NAALADL2: variants seen among roughly 807,000 people sequenced by gnomAD.
NAALADL2 encodes inactive N-acetylated-alpha-linked acidic dipeptidase-like protein 2.
In NAALADL2, 76 loss-of-function variants were observed where a neutral mutation model predicts 87.2. The observed-to-expected ratio is 0.87, with a 90% CI of 0.72 to 1.05. The LOEUF (loss-of-function observed/expected upper bound fraction) is 1.05, where lower values mean the gene tolerates loss of function less well. Ranked by LOEUF, NAALADL2 falls within the 50% of genes least tolerant of loss-of-function variation. NAALADL2 has a pLI of 0.00. For missense variants in NAALADL2, 1,089 were observed against 945.8 expected (o/e 1.15, Z -1.99); for synonymous variants, 354 against 331.0 (o/e 1.07, Z -0.75).
At chr3:175,151,626 C>A (rs575611265) in intron 2 of NAALADL2, among the ~76,000 whole-genome samples, 1 of 150,222 alleles carries the variant, frequency 6.7e-6, no homozygotes, top group Admixed American at 6.6e-5. Flanking sequence ...CAAAATGAAA[C>A]AAACAAACAA....
At chr3:175,282,040 C>A (rs1581246156) in intron 4 of NAALADL2, among the ~76,000 whole-genome samples, 1 of 151,812 alleles carries the variant, frequency 6.6e-6, no homozygotes, top group East Asian at 1.9e-4. Flanking sequence ...TTATACTTCA[C>A]CAAAATTAAG....
intron 13 of NAALADL2, among the ~76,000 whole-genome samples, chr3:175,766,627 C>G (rs1421306467): frequency 6.6e-6 from 1 of 152,086 alleles, no homozygotes; most frequent in Non-Finnish European, 1.5e-5. Context: ...TTGTTTCTCT[C>G]TCCTTTATTT....
At chr3:174,569,051 T>A (rs1323192264) in intron 2 of NAALADL2, among the ~76,000 whole-genome samples, 1 of 151,658 alleles carries the variant, frequency 6.6e-6, no homozygotes, top group Non-Finnish European at 1.5e-5. Flanking sequence ...GGCCTAATAA[T>A]GAATTTTTCA....
chr3:174,696,593 TAAAAAA>T (rs62946360), intron 2 of NAALADL2, among the ~76,000 whole-genome samples: 1 of 110,524 alleles, frequency 9.0e-6, no homozygotes, highest in African/African-American at 3.8e-5. Context: ...TGTAGTTATC[TAAAAAA>T]AAAAAAAAAA....
intron 9 of NAALADL2, among the ~76,000 whole-genome samples, chr3:175,550,722 A>C (rs534678474): frequency 3.3e-5 from 5 of 152,292 alleles, no homozygotes; most frequent in Non-Finnish European, 5.9e-5. Flanking sequence ...AGAAGTAAGA[A>C]TCTCTAGTTG....
At chr3:175,760,771 T>C (rs1559982444) in intron 13 of NAALADL2, among the ~76,000 whole-genome samples, 1 of 152,186 alleles carries the variant, frequency 6.6e-6, no homozygotes, top group East Asian at 1.9e-4. Context: ...TAGATCCTTT[T>C]TTGCTCCCTG....
chr3:174,902,351 A>G (rs1732417881), intron 1 of NAALADL2, among the ~76,000 whole-genome samples: 1 of 152,136 alleles, frequency 6.6e-6, no homozygotes, highest in African/African-American at 2.4e-5. Context: ...TAATGTATGT[A>G]AAGTACCTAT....
At chr3:175,410,729 C>T (rs997314032) in intron 5 of NAALADL2, among the ~76,000 whole-genome samples, 1 of 152,176 alleles carries the variant, frequency 6.6e-6, no homozygotes, top group Non-Finnish European at 1.5e-5. Flanking sequence ...AGGGACGACT[C>T]TCCTGAGAGA....
chr3:175,750,444 C>T (rs1375079784), intron 12 of NAALADL2, among the ~76,000 whole-genome samples: 1 of 152,084 alleles, frequency 6.6e-6, no homozygotes, highest in Non-Finnish European at 1.5e-5. Context: ...CTTTCTTCCT[C>T]TTTAATTAAT....
At chr3:175,793,725 C>T (rs1753113313) in intron 13 of NAALADL2, among the ~76,000 whole-genome samples, 1 of 152,070 alleles carries the variant, frequency 6.6e-6, no homozygotes, top group Admixed American at 6.6e-5. Context: ...AAGTATTATA[C>T]AAACAATAAG....
At chr3:175,388,732 T>A (rs950944574) in intron 5 of NAALADL2, among the ~76,000 whole-genome samples, 6 of 152,240 alleles carry the variant, frequency 3.9e-5, no homozygotes, top group African/African-American at 1.2e-4. Context: ...TTCAGCAATA[T>A]TATTGATGCC....
At chr3:175,119,821 A>G (rs1560052263) in intron 2 of NAALADL2, among the ~76,000 whole-genome samples, 3 of 146,794 alleles carry the variant, frequency 2.0e-5, no homozygotes, top group Admixed American at 1.4e-4. Context: ...ATATAAAAGT[A>G]TATATATAAG....
intron 2 of NAALADL2, among the ~76,000 whole-genome samples, chr3:174,637,896 G>T: frequency 6.6e-6 from 1 of 151,526 alleles, no homozygotes; most frequent in South Asian, 2.1e-4. Flanking sequence ...TGGCTTTGTT[G>T]CAATAACTTG....
intron 1 of NAALADL2, among the ~76,000 whole-genome samples, chr3:174,897,747 T>G (rs1043893900): frequency 6.6e-6 from 1 of 152,028 alleles, no homozygotes; most frequent in Non-Finnish European, 1.5e-5. Context: ...CATACAATAG[T>G]TAGGAGCAAC....
chr3:174,911,810 C>A (rs532609471), intron 1 of NAALADL2, among the ~76,000 whole-genome samples: 1 of 152,020 alleles, frequency 6.6e-6, no homozygotes, highest in Non-Finnish European at 1.5e-5. Context: ...GACAAGTGCC[C>A]TTTACGATGT....
intron 11 of NAALADL2, among the ~76,000 whole-genome samples, chr3:175,687,219 G>A (rs1012278116): frequency 1.5e-4 from 23 of 152,128 alleles, no homozygotes; most frequent in African/African-American, 5.1e-4. Context: ...AGTGGGTTTT[G>A]CAAATTAAGT....
chr3:175,570,807 G>A (rs896402955), intron 9 of NAALADL2, among the ~76,000 whole-genome samples: 5 of 151,412 alleles, frequency 3.3e-5, no homozygotes, highest in African/African-American at 1.2e-4. Flanking sequence ...GTGAACCCAG[G>A]GGGCAGAGCT....
chr3:174,542,053 G>A (rs2108468650), intron 1 of NAALADL2, among the ~76,000 whole-genome samples: 1 of 152,280 alleles, frequency 6.6e-6, no homozygotes, highest in African/African-American at 2.4e-5. Context: ...GCAAATTAAG[G>A]GATGGGTTAT....
intron 2 of NAALADL2, among the ~76,000 whole-genome samples, chr3:174,556,321 A>G (rs1712812318): frequency 6.6e-6 from 1 of 152,084 alleles, no homozygotes; most frequent in Non-Finnish European, 1.5e-5. Flanking sequence ...TATCTAGGAG[A>G]CTGATGCTGA....
Sources: gnomAD v4.1 joint callset for allele counts (sites outside exome capture counted in the v4.1 genomes callset) on GRCh38, gnomAD v4.1.1 for gene constraint, MANE v1.5 for transcripts, NCBI Gene and HGNC (gene_info 2026-07-23, HGNC 2026-07-21) for gene names.